The following TNRC6B variants were observed in gnomAD, a reference collection of about 807,000 sequenced individuals.
TNRC6B encodes the protein trinucleotide repeat containing adaptor 6B.
Under a neutral mutation model 203.6 loss-of-function variants are expected in TNRC6B, and 52 were observed. The observed-to-expected ratio is 0.26, with a 90% CI of 0.20 to 0.32. TNRC6B has a LOEUF of 0.32. Ranked by LOEUF, TNRC6B falls within the 10% of genes least tolerant of loss-of-function variation. TNRC6B has a pLI of 1.00. For synonymous variants in TNRC6B, 838 were observed against 845.7 expected, an observed-to-expected ratio of 0.99 and a Z score of 0.16; for missense variants, 1,923 against 2,286.2, an observed-to-expected ratio of 0.84 and a Z score of 3.24.
chr22:40,099,056 C>A (rs923465850), intron 1 of TNRC6B, among the ~76,000 whole-genome samples: 1 of 152,034 alleles, frequency 6.6e-6, no homozygotes, highest in African/African-American at 2.4e-5. Context: ...TCGAGACCAG[C>A]CTGGCCAAGA....
intron 21 of TNRC6B, among the ~76,000 whole-genome samples, chr22:40,319,899 G>A (rs71321192): frequency 0.072 from 10,999 of 152,218 alleles, 531 homozygotes; most frequent in Middle Eastern, 0.13. Context: ...ACTTTATCTG[G>A]ATAATGTTTC....
intron 1 of TNRC6B, among the ~76,000 whole-genome samples, chr22:40,208,808 T>C (rs902741417): frequency 6.6e-6 from 1 of 152,242 alleles, no homozygotes; most frequent in African/African-American, 2.4e-5. Flanking sequence ...ATCCAAAAAG[T>C]AATTCAGGCA....
chr22:40,268,649 C>A (rs550629802), intron 5 of TNRC6B, among the ~76,000 whole-genome samples: 1 of 152,128 alleles, frequency 6.6e-6, no homozygotes, highest in African/African-American at 2.4e-5. Context: ...CGGTGGCTCA[C>A]GCCTGTAATC....
chr22:40,125,673 A>G, intron 2 of TNRC6B: 1 of 697,276 alleles, frequency 1.4e-6, no homozygotes, highest in Non-Finnish European at 2.4e-6. Flanking sequence ...ACTTCACAGT[A>G]TCTGTGGCCT....
chr22:40,295,390 C>A (rs1334045734), intron 12 of TNRC6B, among the ~76,000 whole-genome samples: 3 of 150,894 alleles, frequency 2.0e-5, no homozygotes, highest in African/African-American at 2.4e-5. Flanking sequence ...AGGAGAATCG[C>A]TTGAGCCCGA....
At chr22:40,261,791 T>G in intron 3 of TNRC6B, 41 bp from the exon 4 acceptor site, 1 of 1,389,540 alleles carries the variant, frequency 7.2e-7, no homozygotes, top group Non-Finnish European at 9.6e-7. Flanking sequence ...AAAATGTATT[T>G]GATGTATTTC....
intron 1 of TNRC6B, among the ~76,000 whole-genome samples, chr22:40,114,020 TAGG>T: frequency 6.6e-6 from 1 of 152,294 alleles, no homozygotes; most frequent in South Asian, 2.1e-4. Flanking sequence ...ATCAAACTGA[TAGG>T]AGTGGTGAGT....
At chr22:40,313,052 C>A in intron 19 of TNRC6B, 55 bp downstream of exon 19, 1 of 1,407,986 alleles carries the variant, frequency 7.1e-7, no homozygotes, top group Non-Finnish European at 9.9e-7. Flanking sequence ...ATCAGGTTCC[C>A]TTTTATAAAG....
intron 1 of TNRC6B, among the ~76,000 whole-genome samples, chr22:40,045,275 G>T (rs1414832456): frequency 1.4e-5 from 2 of 147,010 alleles, no homozygotes; most frequent in East Asian, 4.0e-4. Context: ...TGAGTCGAGG[G>T]GCGGGGAGGG....
At chr22:40,291,113 C>T (rs1311843140) in intron 12 of TNRC6B, among the ~76,000 whole-genome samples, 7 of 152,154 alleles carry the variant, frequency 4.6e-5, no homozygotes, top group Admixed American at 1.3e-4. Flanking sequence ...AGGCCAGGCA[C>T]GGTGGTTTAC....
chr22:40,216,536 C>G (rs919371660), intron 1 of TNRC6B, among the ~76,000 whole-genome samples: 1 of 152,094 alleles, frequency 6.6e-6, no homozygotes, highest in Non-Finnish European at 1.5e-5. Context: ...CCCATGAACC[C>G]AGGACGCAGA....
intron 12 of TNRC6B, among the ~76,000 whole-genome samples, chr22:40,289,155 T>C (rs2070834130): frequency 6.6e-6 from 1 of 151,932 alleles, no homozygotes; most frequent in Non-Finnish European, 1.5e-5. Context: ...TGGTGGTGTG[T>C]ACCTTTAGTC....
At chr22:40,095,554 T>C (rs1445642281) in intron 1 of TNRC6B, among the ~76,000 whole-genome samples, 1 of 151,960 alleles carries the variant, frequency 6.6e-6, no homozygotes, top group Non-Finnish European at 1.5e-5. Context: ...AATAATGATA[T>C]TACCACAATT....
chr22:40,152,636 C>A (rs935338388), intron 3 of TNRC6B, among the ~76,000 whole-genome samples: 1 of 151,610 alleles, frequency 6.6e-6, no homozygotes, highest in Non-Finnish European at 1.5e-5. Flanking sequence ...CCACACCCGG[C>A]TAATTTTTGT....
At chr22:40,132,418 TTGCAG>T (rs997488833) in intron 3 of TNRC6B, among the ~76,000 whole-genome samples, 2 of 150,128 alleles carry the variant, frequency 1.3e-5, no homozygotes, top group African/African-American at 2.5e-5. Flanking sequence ...GAGGCAGAGG[TTGCAG>T]TGAGCCAAGA....
At chr22:40,060,751 A>C (rs1569246776) in intron 1 of TNRC6B, among the ~76,000 whole-genome samples, 1 of 152,218 alleles carries the variant, frequency 6.6e-6, no homozygotes, top group Non-Finnish European at 1.5e-5. Context: ...AGTAGAACAT[A>C]CAGGACACAC....
rs757323259 is a variant in TNRC6B, at chr22:40,266,693, A to C, written c.2463A>C (p.Gln821His). The C allele has an allele frequency of 1.9e-6, 3 of 1,613,966 alleles. No individual in the cohort carries two copies. Among genetic ancestry groups the C allele is most frequent in the Admixed American group, 1.7e-5 (1 of 60,022 alleles). ...RQPNSWNKQH[Q>H]QQQPPQQPPP... ...CCAATTCCTGGAATAAACAACACCA[A>C]CAGCAGCAGCCCCCACAGCAGCCGC... The change falls in exon 5 of 23, where the codon CAA (glutamine) becomes CAC (histidine). Residue 821 changes from glutamine (Q) to histidine (H), a missense_variant. Physicochemically the swap from Gln to His is conservative, Grantham distance 24 (BLOSUM62 0). Around this residue, in one of 8 missense-constraint regions of TNRC6B, gnomAD observed 599 missense variants for 656.5 expected, o/e 0.91. Transcript: ENST00000454349.
chr22:40,234,977 T>G (rs970299686), intron 1 of TNRC6B, among the ~76,000 whole-genome samples: 1 of 152,218 alleles, frequency 6.6e-6, no homozygotes, highest in Non-Finnish European at 1.5e-5. Flanking sequence ...TGTGTGTGCA[T>G]TTTTAATTAA....
chr22:40,164,744 G>A (rs1372202831), intron 4 of TNRC6B, among the ~76,000 whole-genome samples: 12 of 131,922 alleles, frequency 9.1e-5, no homozygotes, highest in African/African-American at 3.1e-4. Context: ...CCTGAGCAAC[G>A]AGTAAAATTC....
Sources: allele counts gnomAD v4.1 joint callset (sites outside exome capture counted in the v4.1 genomes callset), GRCh38; gene constraint gnomAD v4.1.1; regional missense constraint gnomAD v4.1.1; transcripts MANE v1.5; gene names NCBI Gene and HGNC (gene_info 2026-07-23, HGNC 2026-07-21).